B3GALT1: variants seen among roughly 807,000 people sequenced by gnomAD.
The protein encoded by B3GALT1 is beta-1,3-galactosyltransferase 1.
Under a neutral mutation model 23.2 loss-of-function variants are expected in B3GALT1, and 10 were observed. The ratio of observed to expected loss-of-function variants is 0.43; its 90% CI spans 0.27 to 0.73. B3GALT1 has a LOEUF of 0.73. Among genes scored for constraint, B3GALT1 ranks in the 30% least tolerant of loss-of-function variants. The probability of loss-of-function intolerance (pLI) is 0.21; values close to 1 mark genes in which losing one functional copy is unlikely to be tolerated. For missense variants in B3GALT1, 299 were observed against 405.4 expected (o/e 0.74, Z 2.25); for synonymous variants, 156 against 141.5 (o/e 1.10, Z -0.73).
chr2:167,512,606 A>ACGTATATATATATACG (rs1491030577), intron 2 of B3GALT1, among the ~76,000 whole-genome samples: 1 of 95,320 alleles, frequency 1.0e-5, no homozygotes, highest in African/African-American at 7.2e-5. Flanking sequence ...ATATATATAT[A>ACGTATATATATATACG]TGTATATATA....
intron 3 of B3GALT1, chr2:167,714,530 A>C: frequency 6.2e-7 from 1 of 1,612,696 alleles, no homozygotes; most frequent in East Asian, 2.2e-5. Flanking sequence ...CTCTCTGCCA[A>C]ATGTTGTATT....
intron 3 of B3GALT1, among the ~76,000 whole-genome samples, chr2:167,716,614 G>T (rs1687150958): frequency 6.6e-6 from 1 of 152,126 alleles, no homozygotes; most frequent in Non-Finnish European, 1.5e-5. Flanking sequence ...ATAAGAAAGG[G>T]TCATAGTTTT....
At chr2:167,643,259 G>T (rs961342312) in intron 2 of B3GALT1, among the ~76,000 whole-genome samples, 5 of 152,182 alleles carry the variant, frequency 3.3e-5, no homozygotes, top group Non-Finnish European at 7.3e-5. Context: ...CTTTGTTGAT[G>T]ATTCAAGTAT....
chr2:167,532,615 GAA>G (rs34228417), intron 2 of B3GALT1, among the ~76,000 whole-genome samples: 13 of 150,650 alleles, frequency 8.6e-5, no homozygotes, highest in African/African-American at 2.9e-4. Flanking sequence ...TGGAAAAGGA[GAA>G]AAAAAAATAA....
At chr2:167,805,517 A>G (rs1310717193) in intron 3 of B3GALT1, among the ~76,000 whole-genome samples, 2 of 152,170 alleles carry the variant, frequency 1.3e-5, no homozygotes, top group Non-Finnish European at 2.9e-5. Context: ...AGGTGTAAGG[A>G]AGAGATCCAG....
intron 2 of B3GALT1, among the ~76,000 whole-genome samples, chr2:167,568,025 G>A (rs949077952): frequency 2.0e-5 from 3 of 151,964 alleles, no homozygotes; most frequent in African/African-American, 7.3e-5. Flanking sequence ...TTAGTAATAT[G>A]CGTTTAAGTT....
chr2:167,713,309 T>G (rs915967780), intron 3 of B3GALT1, among the ~76,000 whole-genome samples: 3 of 152,198 alleles, frequency 2.0e-5, no homozygotes, highest in Non-Finnish European at 4.4e-5. Flanking sequence ...GAAGATCTGT[T>G]TGAACTGAGA....
intron 3 of B3GALT1, among the ~76,000 whole-genome samples, chr2:167,723,412 A>C (rs1687263052): frequency 6.6e-6 from 1 of 152,230 alleles, no homozygotes; most frequent in Non-Finnish European, 1.5e-5. Context: ...ATGTATTTTA[A>C]AATGCTGTTA....
intron 3 of B3GALT1, among the ~76,000 whole-genome samples, chr2:167,722,774 G>A (rs542730068): frequency 1.3e-5 from 2 of 152,154 alleles, no homozygotes; most frequent in Non-Finnish European, 2.9e-5. Flanking sequence ...AGTAGTAAAA[G>A]CTCAAATTCC....
chr2:167,646,736 A>G (rs1041776882), intron 2 of B3GALT1, among the ~76,000 whole-genome samples, 173 bp from the exon 3 acceptor site: 12 of 152,216 alleles, frequency 7.9e-5, no homozygotes, highest in African/African-American at 2.9e-4. Flanking sequence ...AAGAGAAAGT[A>G]ATGGCCCGAC....
chr2:167,713,906 T>G (rs530066802), intron 3 of B3GALT1: 740 of 1,580,598 alleles, frequency 4.7e-4, no homozygotes, highest in African/African-American at 2.6e-3. Context: ...TGGAGGAGGT[T>G]GGGGGAAAGG....
intron 2 of B3GALT1, among the ~76,000 whole-genome samples, chr2:167,536,754 TA>T (rs1434931756): frequency 6.6e-6 from 1 of 152,080 alleles, no homozygotes; most frequent in Non-Finnish European, 1.5e-5. Flanking sequence ...GGAACCAATG[TA>T]CCCAGGCCCC....
chr2:167,344,380 T>C (rs1180364395), intron 1 of B3GALT1, among the ~76,000 whole-genome samples: 1 of 152,186 alleles, frequency 6.6e-6, no homozygotes, highest in Non-Finnish European at 1.5e-5. Context: ...TCTATTATGC[T>C]GATTTTTTAT....
At chr2:167,610,683 C>G (rs1685047848) in intron 2 of B3GALT1, among the ~76,000 whole-genome samples, 1 of 151,858 alleles carries the variant, frequency 6.6e-6, no homozygotes, top group Non-Finnish European at 1.5e-5. Context: ...TAAGTTTAAT[C>G]CTGGACCAAC....
intron 3 of B3GALT1, among the ~76,000 whole-genome samples, chr2:167,712,269 G>A (rs1250984452): frequency 6.6e-6 from 1 of 152,128 alleles, no homozygotes; most frequent in African/African-American, 2.4e-5. Context: ...TTTTTTAAGA[G>A]AGCCTCTAAA....
intron 3 of B3GALT1, among the ~76,000 whole-genome samples, chr2:167,683,491 T>C (rs1686569577): frequency 6.6e-6 from 1 of 152,072 alleles, no homozygotes; most frequent in African/African-American, 2.4e-5. Flanking sequence ...GAGGCCTAGG[T>C]GGGCAGATGG....
chr2:167,802,160 A>G (rs4667976), intron 3 of B3GALT1, among the ~76,000 whole-genome samples: 33,461 of 152,134 alleles, frequency 0.22, 4,510 homozygotes, highest in African/African-American at 0.36. Context: ...TGAGATGACA[A>G]CTTGTACTGC....
At chr2:167,471,895 C>A (rs1027222334) in intron 1 of B3GALT1, among the ~76,000 whole-genome samples, 12 of 151,946 alleles carry the variant, frequency 7.9e-5, no homozygotes, top group African/African-American at 2.9e-4. Context: ...CAGTGAGAGG[C>A]CTGGGGCCTT....
intron 3 of B3GALT1, among the ~76,000 whole-genome samples, chr2:167,794,395 T>C (rs886211013): frequency 6.6e-6 from 1 of 152,242 alleles, no homozygotes; most frequent in Non-Finnish European, 1.5e-5. Context: ...AAATTCTTTC[T>C]GTTGATTTAC....
Sources: gnomAD v4.1 joint callset for allele counts (sites outside exome capture counted in the v4.1 genomes callset) on GRCh38, gnomAD v4.1.1 for gene constraint, MANE v1.5 for transcripts, NCBI Gene and HGNC (gene_info 2026-07-23, HGNC 2026-07-21) for gene names.